The following CA10 variants were observed in gnomAD, a reference collection of about 807,000 sequenced individuals.
CA10 encodes carbonic anhydrase-related protein 10.
A neutral mutation model predicts 44.2 loss-of-function variants in CA10; 14 were observed. The observed-to-expected ratio is 0.32, with a 90% CI of 0.21 to 0.50. The LOEUF (loss-of-function observed/expected upper bound fraction) is 0.50, where lower values mean the gene tolerates loss of function less well. Ranked by LOEUF, CA10 falls within the 20% of genes least tolerant of loss-of-function variation. The pLI is 0.99. For synonymous variants in CA10, 159 were observed against 141.6 expected (o/e 1.12, Z -0.87); for missense variants, 350 against 409.7 (o/e 0.85, Z 1.26).
chr17:52,074,748 A>G (rs1372257101), intron 1 of CA10, among the ~76,000 whole-genome samples: 4 of 152,270 alleles, frequency 2.6e-5, no homozygotes, highest in South Asian at 4.1e-4. Context: ...ATATATTTCA[A>G]TGTGAAAATG....
intron 2 of CA10, among the ~76,000 whole-genome samples, chr17:51,931,568 T>C (rs1982661006): frequency 2.0e-5 from 3 of 152,114 alleles, no homozygotes; most frequent in African/African-American, 7.2e-5. Context: ...AAGGAAAGTG[T>C]CATTCAGTGT....
chr17:52,020,978 G>A (rs1471495598), intron 2 of CA10, among the ~76,000 whole-genome samples: 3 of 151,964 alleles, frequency 2.0e-5, no homozygotes, highest in Non-Finnish European at 4.4e-5. Flanking sequence ...CAAAAGACAG[G>A]ATTTTGTTCT....
intron 3 of CA10, among the ~76,000 whole-genome samples, chr17:51,764,112 A>G (rs1905288970): frequency 6.6e-6 from 1 of 152,116 alleles, no homozygotes; most frequent in Admixed American, 6.5e-5. Context: ...ATGTTGAAAC[A>G]TGAAAAAAAT....
chr17:52,090,937 A>G (rs557254975), intron 1 of CA10, among the ~76,000 whole-genome samples: 9 of 152,300 alleles, frequency 5.9e-5, no homozygotes, highest in Non-Finnish European at 1.3e-4. Flanking sequence ...ATTTATGTAA[A>G]TAGCTGCTGA....
intron 4 of CA10, among the ~76,000 whole-genome samples, chr17:51,723,007 G>A (rs984453800): frequency 1.3e-5 from 2 of 152,184 alleles, no homozygotes; most frequent in Admixed American, 1.3e-4. Flanking sequence ...ACCACTGTCT[G>A]TAAAATATAG....
chr17:51,723,561 A>C (rs1195201273), intron 4 of CA10, among the ~76,000 whole-genome samples: 1 of 137,394 alleles, frequency 7.3e-6, no homozygotes, highest in Non-Finnish European at 1.6e-5. Context: ...ACTTTAGGGA[A>C]ATAACATTGT....
chr17:51,987,313 G>A (rs890431943), intron 2 of CA10, among the ~76,000 whole-genome samples: 7 of 152,008 alleles, frequency 4.6e-5, no homozygotes, highest in African/African-American at 1.4e-4. Context: ...ACTCATCAGT[G>A]GGAGCTAAGC....
intron 2 of CA10, among the ~76,000 whole-genome samples, chr17:51,933,030 G>A (rs897773941): frequency 1.3e-5 from 2 of 152,094 alleles, no homozygotes; most frequent in African/African-American, 4.8e-5. Flanking sequence ...ACACACAAGT[G>A]GCAAATGTGA....
In CA10 at chr17:51,747,654, A is replaced by T. The variant is rs1904739998; in HGVS notation, c.444T>A (p.Asn148Lys). The T allele has an allele frequency of 6.2e-7, 1 of 1,613,522 alleles. No homozygotes were observed. Among genetic ancestry groups the T allele is most frequent in the Non-Finnish European group, 8.5e-7 (1 of 1,179,726 alleles). The change falls in exon 4 of 9, where the codon AAT becomes AAA. Residue 148 changes from asparagine to lysine, a missense_variant. By Grantham distance (94) the Asn-to-Lys change is moderately conservative (BLOSUM62 0). Coordinates refer to ENST00000451037, the MANE Select transcript of CA10 (RefSeq NM_020178.5). ...ATACCTCCCCAGAGAAGGCCTGTCC[A>T]TTGAGGAGGTGCTCCGACCCTTGGC... is the stretch of plus-strand genomic sequence containing the variant. Reference protein sequence around the residue: ...EDSQGSEHLLNGQAFSGEVQL... With the variant: ...EDSQGSEHLLKGQAFSGEVQL...
chr17:51,966,825 C>A (rs961966478), intron 2 of CA10, among the ~76,000 whole-genome samples: 1 of 151,530 alleles, frequency 6.6e-6, no homozygotes, highest in African/African-American at 2.4e-5. Context: ...ATGAATAAGT[C>A]CTTAAAAGCA....
intron 4 of CA10, among the ~76,000 whole-genome samples, chr17:51,726,938 CAGTT>C (rs1916544676): frequency 6.6e-6 from 1 of 152,200 alleles, no homozygotes; most frequent in Non-Finnish European, 1.5e-5. Flanking sequence ...TTCTGATTCT[CAGTT>C]AGTGGCCTGC....
intron 3 of CA10, among the ~76,000 whole-genome samples, chr17:51,874,206 C>T (rs1199111308): frequency 6.6e-6 from 1 of 152,208 alleles, no homozygotes; most frequent in Admixed American, 6.5e-5. Context: ...GGATACCAAA[C>T]AATATTACAA....
At position 51,743,625 on chromosome 17, in the gene CA10, A is replaced by G. The variant is rs542582013; in HGVS notation, c.465+4008T>C. Among the ~76,000 whole-genome samples, 5 of 152,366 alleles carry G rather than the reference A, an allele frequency of 3.3e-5. No individual in the cohort carries two copies. The South Asian group carries it at 1.0e-3, about 32-fold the overall frequency. ...AATAACCTCACTAGACAAGACTGCA[A>G]TTAATCTATAGCTCTTCAGATAACG... On this transcript the variant is annotated intron_variant, in intron 4 of 8. Transcript: ENST00000451037.
At chr17:51,904,668 T>C (rs947761579) in intron 3 of CA10, among the ~76,000 whole-genome samples, 1 of 152,146 alleles carries the variant, frequency 6.6e-6, no homozygotes, top group Non-Finnish European at 1.5e-5. Context: ...CTAGCTCAGT[T>C]TGTTTATATA....
At chr17:51,948,057 T>A (rs952807054) in intron 2 of CA10, among the ~76,000 whole-genome samples, 1 of 152,134 alleles carries the variant, frequency 6.6e-6, no homozygotes, top group Non-Finnish European at 1.5e-5. Flanking sequence ...AGGTTAATTA[T>A]CCTTTAGGAC....
At chr17:52,149,523 C>A (rs1989659352) in intron 1 of CA10, among the ~76,000 whole-genome samples, 1 of 152,150 alleles carries the variant, frequency 6.6e-6, no homozygotes, top group Non-Finnish European at 1.5e-5. Flanking sequence ...TGTCACCACC[C>A]AAACCTTCCC....
intron 3 of CA10, among the ~76,000 whole-genome samples, chr17:51,817,721 A>G (rs1250113068): frequency 6.6e-6 from 1 of 152,200 alleles, no homozygotes; most frequent in Non-Finnish European, 1.5e-5. Context: ...AGAAGACCAA[A>G]GCTGGTTTGT....
chr17:51,939,864 G>A (rs950681055), intron 2 of CA10, among the ~76,000 whole-genome samples: 1 of 151,790 alleles, frequency 6.6e-6, no homozygotes, highest in Non-Finnish European at 1.5e-5. Flanking sequence ...CCTTGTTTTT[G>A]ATATTTTGCT....
At chr17:51,972,781 A>G (rs560597099) in intron 2 of CA10, among the ~76,000 whole-genome samples, 1 of 152,240 alleles carries the variant, frequency 6.6e-6, no homozygotes, top group African/African-American at 2.4e-5. Context: ...ATAAAGAAAA[A>G]AAAAACAGAA....
Sources: gnomAD v4.1 joint callset for allele counts (sites outside exome capture counted in the v4.1 genomes callset) on GRCh38, gnomAD v4.1.1 for gene constraint, MANE v1.5 for transcripts, NCBI Gene and HGNC (gene_info 2026-07-23, HGNC 2026-07-21) for gene names.